The following KCNG2 variants were observed in gnomAD, a reference collection of about 807,000 sequenced individuals.
KCNG2 encodes voltage-gated potassium channel regulatory subunit KCNG2.
In KCNG2, 7 loss-of-function variants were observed where a neutral mutation model predicts 12.3. That is an observed-to-expected ratio of 0.57 (90% CI 0.32 to 1.07). The LOEUF is 1.07. Among genes scored for constraint, KCNG2 ranks in the 50% least tolerant of loss-of-function variants. KCNG2 has a pLI of 0.04. For synonymous variants in KCNG2, 414 were observed against 351.4 expected (o/e 1.18, Z -1.99); for missense variants, 703 against 726.0 (o/e 0.97, Z 0.36).
intron 3 of KCNG2, among the ~76,000 whole-genome samples, chr18:79,877,133 G>A (rs1294009923): frequency 1.3e-5 from 2 of 152,262 alleles, no homozygotes; most frequent in African/African-American, 4.8e-5. Context: ...TTTGACGCAA[G>A]AGGCCTTTTC....
intron 3 of KCNG2, among the ~76,000 whole-genome samples, chr18:79,871,740 G>A (rs995631358): frequency 1.1e-4 from 17 of 152,202 alleles, no homozygotes; most frequent in South Asian, 1.0e-3. Flanking sequence ...GTCCGTCTGC[G>A]TCCCGTTGGC....
intron 1 of KCNG2, among the ~76,000 whole-genome samples, chr18:79,840,245 A>C (rs1439452988): frequency 2.0e-5 from 3 of 152,212 alleles, no homozygotes; most frequent in Non-Finnish European, 2.9e-5. Flanking sequence ...GCCAAAAAAA[A>C]CTCTTAGAAC....
chr18:79,830,077 G>A (rs1344324179), intron 1 of KCNG2, among the ~76,000 whole-genome samples: 1 of 152,216 alleles, frequency 6.6e-6, no homozygotes, highest in Admixed American at 6.5e-5. Context: ...TCCCCCTGAA[G>A]TAGGAGTTCT....
intron 3 of KCNG2, among the ~76,000 whole-genome samples, chr18:79,891,237 T>C (rs1206428192): frequency 6.6e-6 from 1 of 152,190 alleles, no homozygotes; most frequent in Admixed American, 6.5e-5. Flanking sequence ...CTTTATTTTT[T>C]ATTTTTTTTT....
chr18:79,872,950 G>A (rs951628813), intron 3 of KCNG2, among the ~76,000 whole-genome samples: 4 of 152,196 alleles, frequency 2.6e-5, no homozygotes, highest in South Asian at 2.1e-4. Flanking sequence ...GGTGGGGACC[G>A]CCCCTCCGGG....
chr18:79,853,537 G>A lies in KCNG2; in HGVS notation c.-114-2842G>A, dbSNP rs577967466. ...TCTGGCGTTTTGAGCAGAGGGTGGT[G>A]TGCAGTGTTAGGAGGCCCCTCTGAT... On this transcript the variant is annotated intron_variant, in intron 1 of 3. Coordinates refer to ENST00000316249, the MANE Select transcript of KCNG2 (RefSeq NM_012283.2). 3.9e-5 allele frequency among the ~76,000 whole-genome samples: 6 copies of A among 152,308 alleles called. No individual in the cohort carries two copies. In the South Asian group the frequency reaches 8.3e-4, roughly 21 times the overall value.
intron 1 of KCNG2, among the ~76,000 whole-genome samples, chr18:79,817,614 C>A (rs1328995165): frequency 6.6e-6 from 1 of 152,218 alleles, no homozygotes; most frequent in African/African-American, 2.4e-5. Context: ...GGCTGTCACA[C>A]ACGCGGGTTG....
At chr18:79,861,872 C>G (rs1979234904) in intron 2 of KCNG2, among the ~76,000 whole-genome samples, 1 of 152,184 alleles carries the variant, frequency 6.6e-6, no homozygotes, top group Non-Finnish European at 1.5e-5. Flanking sequence ...TGATGTATCT[C>G]CAGTTTCTCT....
chr18:79,806,599 A>C (rs992404942), intron 1 of KCNG2, among the ~76,000 whole-genome samples: 1 of 152,194 alleles, frequency 6.6e-6, no homozygotes, highest in South Asian at 2.1e-4. Context: ...TTATCTCTCA[A>C]ATGATGGTTT....
rs1301459932 is a variant in KCNG2 at position 79,863,710 on chromosome 18, C to T, written c.43C>T (p.Arg15Cys). ...CTCCCCGGGCGGCGGCGGCGGGACC[C>T]GCGCCCGGCACGTCATCATCAACGT... ...PCSPGGGGGT[R>C]ARHVIINVGG... The change falls in exon 3 of 4, where the codon CGC (arginine) becomes TGC (cysteine). Residue 15 changes from arginine (R) to cysteine (C), a missense_variant. Physicochemically the swap from Arg to Cys is radical, Grantham distance 180. Coordinates refer to ENST00000316249, the MANE Select transcript of KCNG2 (RefSeq NM_012283.2). 8.4e-7 allele frequency: 1 copy of T among 1,190,860 alleles called. No individual in the cohort carries two copies. The highest frequency in any genetic ancestry group is 1.0e-6 in the Non-Finnish European group (1 of 958,034). 73.8% of individuals were successfully genotyped at this position (1,190,860 alleles called of 1,614,324 possible).
At chr18:79,837,050 A>G (rs920149868) in intron 1 of KCNG2, among the ~76,000 whole-genome samples, 7 of 152,234 alleles carry the variant, frequency 4.6e-5, no homozygotes, top group African/African-American at 1.7e-4. Flanking sequence ...CCCACCTATG[A>G]ACCTGTAAAA....
chr18:79,807,344 G>A (rs545405162), intron 1 of KCNG2, among the ~76,000 whole-genome samples: 88 of 152,284 alleles, frequency 5.8e-4, no homozygotes, highest in East Asian at 1.5e-3. Context: ...TCACCTTGCC[G>A]ACGCTCTCTG....
chr18:79,845,346 T>G (rs1235283027), intron 1 of KCNG2, among the ~76,000 whole-genome samples: 2 of 152,150 alleles, frequency 1.3e-5, no homozygotes, highest in African/African-American at 4.8e-5. Context: ...TGTCTGGATG[T>G]GTCCATGTCG....
rs376996823 is a variant in KCNG2, at chr18:79,803,127, G to A, written c.-115+5113G>A. On this transcript the variant is annotated intron_variant, in intron 1 of 3. Transcript: ENST00000316249. The surrounding 1 kb of genome is among the most constrained non-coding windows in gnomAD (Gnocchi z 4.5). ...CGGAAGGCGGAGCTTGCAGTGAGCCGAGATCGCGCCACTGCACTCCAGCCT... is the reference window on the plus strand; with the variant it reads ...CGGAAGGCGGAGCTTGCAGTGAGCCAAGATCGCGCCACTGCACTCCAGCCT... Among the ~76,000 whole-genome samples the A allele has an allele frequency of 1.1e-4, 17 of 152,102 alleles. No individual in the cohort carries two copies. The highest frequency in any genetic ancestry group is 8.3e-4 in the South Asian group (4 of 4,832).
intron 1 of KCNG2, among the ~76,000 whole-genome samples, chr18:79,811,913 C>T (rs1368952583): frequency 6.6e-6 from 1 of 152,164 alleles, no homozygotes; most frequent in East Asian, 1.9e-4. Context: ...AATTACCCAA[C>T]ATCAACAGAA....
rs147344795 is a variant in KCNG2, at chr18:79,835,198, C to G, written c.-114-21181C>G. 3.7e-3 allele frequency among the ~76,000 whole-genome samples: 556 copies of G among 152,308 alleles called. 3 individuals carry two copies. The highest frequency in any genetic ancestry group is 5.9e-3 in the Admixed American group (90 of 15,304). ...CAGCAGAGGTGTTGTCTCTCTCCCC[C>G]CTGCCAGAGCAGGGCCAAAGGAAGC... On this transcript the variant is annotated intron_variant, in intron 1 of 3. Transcript: ENST00000316249.
rs1233847182 is a variant in KCNG2 at position 79,827,928 on chromosome 18, T to TTTC, written c.-114-28449_-114-28448insCTT. On this transcript the variant is annotated intron_variant, in intron 1 of 3. Transcript: ENST00000316249. ...ATATTCTTTTTTCTTTCTTTCTTTC[T>TTTC]TTTTTTTTTTTTTGAGATGTAGTCT... is the stretch of plus-strand genomic sequence containing the variant. 9.6e-5 allele frequency among the ~76,000 whole-genome samples: 5 copies of TTTC among 52,170 alleles called. No homozygotes were observed. In the East Asian group the frequency reaches 4.3e-3, roughly 45 times the overall value. The allele number at this position is 52,170 out of a possible 152,430, so 34.2% of individuals were successfully genotyped here. A position where few individuals can be genotyped will look rare whatever the true frequency, so the allele number is the denominator to read the frequency against.
In KCNG2 at chr18:79,863,895, C is replaced by G; in HGVS notation, c.228C>G (p.Cys76Trp). The G allele has an allele frequency of 6.9e-7, 1 of 1,446,304 alleles. No individual in the cohort carries two copies. Among genetic ancestry groups the G allele is most frequent in the Non-Finnish European group, 9.1e-7 (1 of 1,095,808 alleles). The allele number at this position is 1,446,304 out of a possible 1,614,324, so 89.6% of individuals were successfully genotyped here. ...AGTTCTTCTTCGACCGCAGCCCGTG[C>G]GCCTTCCGCGCCATCGTGGCGCTTT... ...RDEFFFDRSP[C>W]AFRAIVALLR... Residue 76 changes from cysteine (C) to tryptophan (W), a missense_variant, in exon 3 of 4, where the codon TGC becomes TGG. Cys to Trp is a radical substitution (Grantham distance 215, BLOSUM62 -2). Coordinates refer to ENST00000316249, the MANE Select transcript of KCNG2 (RefSeq NM_012283.2).
chr18:79,889,846 C>A (rs763086519), intron 3 of KCNG2, among the ~76,000 whole-genome samples: 2 of 152,216 alleles, frequency 1.3e-5, no homozygotes, highest in Non-Finnish European at 2.9e-5. Context: ...CTTTCGTTAC[C>A]ATGTGTGATG....
Sources: gnomAD v4.1 joint callset for allele counts (sites outside exome capture counted in the v4.1 genomes callset) on GRCh38, gnomAD v4.1.1 for gene constraint, Gnocchi (gnomAD v3.1) non-coding constraint, MANE v1.5 for transcripts, NCBI Gene and HGNC (gene_info 2026-07-23, HGNC 2026-07-21) for gene names.